Variants in PCDHA5 observed in about 807,000 individuals in gnomAD.
The protein encoded by PCDHA5 is protocadherin alpha 5.
PCDHA5 carries 43 observed loss-of-function variants against 61.6 expected under a neutral mutation model. The observed-to-expected ratio is 0.70, with a 90% CI of 0.55 to 0.90. The LOEUF (loss-of-function observed/expected upper bound fraction) is 0.90. Among genes scored for constraint, PCDHA5 ranks in the 40% least tolerant of loss-of-function variants. PCDHA5 has a pLI of 0.00. For missense variants in PCDHA5, 1,298 were observed against 1,222.7 expected (o/e 1.06, Z -0.92); for synonymous variants, 627 against 543.9 (o/e 1.15, Z -2.13).
chr5:140,885,469 C>T (rs1338782835), intron 1 of PCDHA5, among the ~76,000 whole-genome samples: 1 of 152,156 alleles, frequency 6.6e-6, no homozygotes, highest in Admixed American at 6.5e-5. Flanking sequence ...GATGGGCAAT[C>T]ACTTTGTGTC....
intron 1 of PCDHA5, chr5:140,968,752 C>T: frequency 6.2e-7 from 1 of 1,614,094 alleles, no homozygotes; most frequent in Non-Finnish European, 8.5e-7. Context: ...CCGTGGTGGT[C>T]CGAGATAATG....
intron 1 of PCDHA5, chr5:140,853,147 G>C (rs1171856097): frequency 1.2e-6 from 1 of 825,412 alleles, no homozygotes; most frequent in Admixed American, 6.4e-5. Context: ...CCAAAATGCT[G>C]GGATTACAGG....
chr5:140,850,831 G>T, intron 1 of PCDHA5: 7 of 1,598,198 alleles, frequency 4.4e-6, no homozygotes, highest in Non-Finnish European at 6.0e-6. Flanking sequence ...CTTTCTCCTT[G>T]TGCTGGATCT....
At position 140,927,644 on chromosome 5, in the gene PCDHA5, T is replaced by C. The variant is rs370145398; in HGVS notation, c.2353-51305T>C. On this transcript the variant is annotated intron_variant, in intron 1 of 3. Coordinates refer to ENST00000529859, the MANE Select transcript of PCDHA5 (RefSeq NM_018908.3). The stretch of plus-strand genomic sequence containing the variant: ...CCAGAGACTGCACCCAATGGGACTG[T>C]GTTATTCCGAGTTCAAGCCTTGGAT... The C allele has an allele frequency of 4.6e-5, 74 of 1,614,028 alleles. 1 individual carries two copies. Among genetic ancestry groups the C allele is most frequent in the Non-Finnish European group, 5.8e-5 (68 of 1,180,020 alleles).
chr5:140,870,785 C>T, intron 1 of PCDHA5: 1 of 1,613,662 alleles, frequency 6.2e-7, no homozygotes, highest in East Asian at 2.2e-5. Context: ...AACGACAACG[C>T]GCCGGCACTG....
At chr5:140,850,114 C>A (rs2150468329) in intron 1 of PCDHA5, 7 of 1,595,992 alleles carry the variant, frequency 4.4e-6, no homozygotes, top group Non-Finnish European at 5.1e-6. Flanking sequence ...GCGCGCGACG[C>A]GGGCGTGCCG....
At chr5:140,924,223 T>A (rs2081726593) in intron 1 of PCDHA5, among the ~76,000 whole-genome samples, 1 of 152,230 alleles carries the variant, frequency 6.6e-6, no homozygotes, top group South Asian at 2.1e-4. Context: ...ATAAGTTCAA[T>A]TTTTATGGGC....
intron 1 of PCDHA5, among the ~76,000 whole-genome samples, chr5:140,917,362 A>G (rs552053034): frequency 2.2e-4 from 32 of 142,394 alleles, no homozygotes; most frequent in Admixed American, 1.7e-3. Flanking sequence ...CTGTTCCACT[A>G]TCTTGCTCCA....
At chr5:140,882,950 C>A in intron 1 of PCDHA5, 1 of 1,614,216 alleles carries the variant, frequency 6.2e-7, no homozygotes, top group Non-Finnish European at 8.5e-7. Context: ...CACAGTTCAG[C>A]TGCTCATCAC....
chr5:140,870,876 G>A, intron 1 of PCDHA5: 1 of 1,613,958 alleles, frequency 6.2e-7, no homozygotes, highest in Non-Finnish European at 8.5e-7. Context: ...ACGTGGTGGC[G>A]AAGGTGCGCG....
chr5:140,893,709 G>T lies in PCDHA5; in HGVS notation c.2352+69582G>T, dbSNP rs141117049. ...ATCTCATTCTATCCTAGCCTGTAAA[G>T]CTTCTGCTGAGAAATCTGCTGTTAG... is the stretch of plus-strand genomic sequence containing the variant. On this transcript the variant is annotated intron_variant, in intron 1 of 3. Transcript: ENST00000529859. 2.6e-3 allele frequency among the ~76,000 whole-genome samples: 396 copies of T among 152,250 alleles called. 2 individuals carry two copies. Among genetic ancestry groups the T allele is most frequent in the African/African-American group, 9.2e-3 (384 of 41,542 alleles).
intron 1 of PCDHA5, chr5:140,847,368 A>G (rs1038901012): frequency 6.7e-6 from 1 of 149,822 alleles, no homozygotes; most frequent in African/African-American, 2.4e-5. Flanking sequence ...AATACGAAAT[A>G]AAAGATAAAT....
At chr5:140,835,454 C>G (rs2150236138) in intron 1 of PCDHA5, 5 of 1,613,928 alleles carry the variant, frequency 3.1e-6, no homozygotes, top group Non-Finnish European at 4.2e-6. Context: ...CCCTGTCTCT[C>G]CCTATTCCAG....
At chr5:140,824,631 TTA>T (rs1491346501) in intron 1 of PCDHA5, 1,542 of 121,380 alleles carry the variant, frequency 0.013, 302 homozygotes, top group African/African-American at 0.054. Context: ...TTTTTTTTTT[TTA>T]TTTTCTGTAG....
chr5:140,854,159 C>CAAAAA (rs59855104), intron 1 of PCDHA5: 4,589 of 339,800 alleles, frequency 0.014, 33 homozygotes, highest in Middle Eastern at 0.024. Flanking sequence ...GATTCTGTCT[C>CAAAAA]AAAAAAAAAA....
In PCDHA5 at chr5:140,822,136, G is replaced by A. The variant is rs143698188; in HGVS notation, c.361G>A (p.Ala121Thr). ...GCTGCAGGTTTTCCATGTGGAGGTGGCAGTGAAGGACATCAATGACAATCC... is the reference window on the plus strand; with the variant it reads ...GCTGCAGGTTTTCCATGTGGAGGTGACAGTGAAGGACATCAATGACAATCC... ...RPLQVFHVEV[A>T]VKDINDNPPR... Residue 121 changes from alanine (A) to threonine (T), a missense_variant, in exon 1 of 4, where the codon GCA becomes ACA. By Grantham distance (58) the Ala-to-Thr change is moderately conservative. Coordinates refer to ENST00000529859, the MANE Select transcript of PCDHA5 (RefSeq NM_018908.3). The A allele has an allele frequency of 3.1e-5, 50 of 1,614,138 alleles. No homozygotes were observed. In the African/African-American group the frequency reaches 6.0e-4, roughly 19 times the overall value.
At chr5:140,925,994 G>C (rs1041576118) in intron 1 of PCDHA5, among the ~76,000 whole-genome samples, 1 of 152,138 alleles carries the variant, frequency 6.6e-6, no homozygotes, top group Non-Finnish European at 1.5e-5. Context: ...CGCTGGCTCC[G>C]CTGCCTCGAA....
At chr5:140,834,243 A>G (rs1260140058) in intron 1 of PCDHA5, 2 of 837,910 alleles carry the variant, frequency 2.4e-6, no homozygotes, top group African/African-American at 3.4e-5. Flanking sequence ...TCCTTTTCGC[A>G]CTGGAAAGAC....
intron 1 of PCDHA5, chr5:140,867,880 G>T (rs1562611394): frequency 6.6e-6 from 1 of 151,984 alleles, no homozygotes; most frequent in Non-Finnish European, 1.5e-5. Flanking sequence ...TATGTTTTAA[G>T]CACAATATCA....
Sources: gnomAD v4.1 joint callset for allele counts (sites outside exome capture counted in the v4.1 genomes callset) on GRCh38, gnomAD v4.1.1 for gene constraint, MANE v1.5 for transcripts, NCBI Gene and HGNC (gene_info 2026-07-23, HGNC 2026-07-21) for gene names.